The following CDH7 variants were observed in gnomAD, a reference collection of about 807,000 sequenced individuals.
The protein encoded by CDH7 is cadherin-7.
A neutral mutation model predicts 71.8 loss-of-function variants in CDH7; 25 were observed. That is an observed-to-expected ratio of 0.35 (90% CI 0.25 to 0.49). CDH7 has a LOEUF of 0.49. Among genes scored for constraint, CDH7 ranks in the 20% least tolerant of loss-of-function variants. The pLI is 0.99. For synonymous variants in CDH7, 381 were observed against 363.8 expected (o/e 1.05, Z -0.54); for missense variants, 862 against 974.6 (o/e 0.88, Z 1.54).
chr18:65,781,784 T>TTTCTTTCTA lies in CDH7; in HGVS notation c.210+18733_210+18734insTCTTTCTAT, dbSNP rs1568181328. 1.2e-3 allele frequency among the ~76,000 whole-genome samples: 79 copies of TTTCTTTCTA among 64,094 alleles called. 11 individuals carry two copies. Among genetic ancestry groups the TTTCTTTCTA allele is most frequent in the East Asian group, 3.0e-3 (7 of 2,322 alleles). 42.0% of individuals were successfully genotyped at this position (64,094 alleles called of 152,430 possible). A position where few individuals can be genotyped will look rare whatever the true frequency, so the allele number is the denominator to read the frequency against. On this transcript the variant is annotated intron_variant, in intron 2 of 11. Coordinates refer to ENST00000397968, the MANE Select transcript of CDH7 (RefSeq NM_004361.5). ...TTTCTTTCTTTCCTTCCTTCCTTCC[T>TTTCTTTCTA]TCCTTCCTTCCTTCCTTCCTTCCTT...
chr18:65,804,323 A>C (rs1911234345), intron 2 of CDH7, among the ~76,000 whole-genome samples: 1 of 152,162 alleles, frequency 6.6e-6, no homozygotes, highest in Admixed American at 6.5e-5. Flanking sequence ...TTACAGGGCT[A>C]AGCTTTAGGT....
chr18:65,852,624 C>A (rs1913190497), intron 7 of CDH7, among the ~76,000 whole-genome samples: 1 of 152,016 alleles, frequency 6.6e-6, no homozygotes, highest in Non-Finnish European at 1.5e-5. Flanking sequence ...TTCAATTAGA[C>A]TATAGGCTAA....
intron 2 of CDH7, chr18:65,803,267 C>A (rs1321447589): frequency 1.3e-5 from 2 of 152,048 alleles, no homozygotes; most frequent in East Asian, 3.9e-4. Flanking sequence ...TGGACCGTGA[C>A]CCCCTAGAAT....
chr18:65,825,302 A>C (rs1017310664), intron 6 of CDH7, among the ~76,000 whole-genome samples: 7 of 151,952 alleles, frequency 4.6e-5, no homozygotes, highest in African/African-American at 1.7e-4. Context: ...AATTTATAGT[A>C]ATTGGAAGAC....
chr18:65,805,843 T>C (rs1911297833), intron 2 of CDH7, among the ~76,000 whole-genome samples: 1 of 152,202 alleles, frequency 6.6e-6, no homozygotes, highest in Admixed American at 6.5e-5. Flanking sequence ...AGGGGTGTGA[T>C]ATAATTTAAT....
intron 7 of CDH7, among the ~76,000 whole-genome samples, chr18:65,856,256 CACAA>C (rs1913351057): frequency 6.6e-6 from 1 of 152,062 alleles, no homozygotes; most frequent in African/African-American, 2.4e-5. Context: ...AAATTCCTGA[CACAA>C]ACAAAATAAG....
At chr18:65,809,614 C>A (rs1911449491) in intron 2 of CDH7, 90 bp from the exon 3 acceptor site, 1 of 1,090,738 alleles carries the variant, frequency 9.2e-7, no homozygotes, top group African/African-American at 1.6e-5. Flanking sequence ...ATTTCATGTA[C>A]TCCTGCCTGA....
chr18:65,782,969 C>A (rs1449734436), intron 2 of CDH7, among the ~76,000 whole-genome samples: 3 of 151,996 alleles, frequency 2.0e-5, no homozygotes, highest in Non-Finnish European at 4.4e-5. Flanking sequence ...AAACAGACTG[C>A]AAAAAGGATA....
chr18:65,821,611 G>A (rs748665129), intron 4 of CDH7, among the ~76,000 whole-genome samples: 1 of 152,104 alleles, frequency 6.6e-6, no homozygotes, highest in Non-Finnish European at 1.5e-5. Flanking sequence ...GTGTTTGAGA[G>A]CTAGTGTGCT....
chr18:65,858,606 A>T (rs1913448171), intron 8 of CDH7, among the ~76,000 whole-genome samples: 1 of 152,072 alleles, frequency 6.6e-6, no homozygotes, highest in African/African-American at 2.4e-5. Context: ...ATAAATATAC[A>T]TTTATATATA....
At chr18:65,767,424 G>T (rs1353344991) in intron 2 of CDH7, among the ~76,000 whole-genome samples, 3 of 152,052 alleles carry the variant, frequency 2.0e-5, no homozygotes, top group Non-Finnish European at 4.4e-5. Context: ...TTTTATGTTA[G>T]ATACAGAAAA....
upstream of CDH7, chr18:65,750,255 G>A (rs1442586898): frequency 6.7e-6 from 1 of 149,602 alleles, no homozygotes; most frequent in Non-Finnish European, 1.5e-5. Flanking sequence ...AGTAGAACTA[G>A]GGCAGTCCGA....
intron 10 of CDH7, 87 bp downstream of exon 10, chr18:65,859,912 AT>A (rs566220230): frequency 4.3e-4 from 336 of 783,980 alleles, no homozygotes; most frequent in Non-Finnish European, 6.3e-4. Context: ...CTGATTATGG[AT>A]TTTTTTTAAA....
chr18:65,762,915 A>C lies in CDH7; in HGVS notation c.73A>C (p.Ser25Arg). ...TCTTTTCCTGTGTTTTTCTGGGATG[A>C]GTCAAGCAGAACTCTCAAGGTCCAG... ...IALFLCFSGM[S>R]QAELSRSRSK... Residue 25 changes from serine (S) to arginine (R), a missense_variant, in exon 2 of 12, where the codon AGT becomes CGT. Coordinates refer to ENST00000397968, the MANE Select transcript of CDH7 (RefSeq NM_004361.5). 1 of 1,613,584 alleles carries C rather than the reference A, an allele frequency of 6.2e-7. No individual in the cohort carries two copies. The highest frequency in any genetic ancestry group is 8.5e-7 in the Non-Finnish European group (1 of 1,179,794).
intron 2 of CDH7, among the ~76,000 whole-genome samples, chr18:65,763,724 G>C (rs913238515): frequency 6.6e-6 from 1 of 151,744 alleles, no homozygotes; most frequent in Non-Finnish European, 1.5e-5. Context: ...GGCAGTTCAT[G>C]GTGCATTTAT....
At chr18:65,750,331 C>T (rs572579506), upstream of CDH7, 3 of 152,072 alleles carry the variant, frequency 2.0e-5, no homozygotes, top group South Asian at 4.1e-4. Flanking sequence ...TATGACTTTG[C>T]CTTCATGCCT....
rs1441917166 is a variant in CDH7, at chr18:65,883,726, A to G, written c.*2832A>G. ...AACAAGTTGTTAAACATTTACCAGC[A>G]CTCTACTGCTTAAATTATTTTATAA... is the stretch of plus-strand genomic sequence containing the variant. On this transcript the variant is annotated 3_prime_UTR_variant, in exon 12 of 12. Transcript: ENST00000397968. 6.6e-6 allele frequency: 1 copy of G among 152,012 alleles called. No individual in the cohort carries two copies. Among genetic ancestry groups the G allele is most frequent in the Non-Finnish European group, 1.5e-5 (1 of 67,948 alleles). 9.4% of individuals were successfully genotyped at this position (152,012 alleles called of 1,614,324 possible). A position where few individuals can be genotyped will look rare whatever the true frequency, so the allele number is the denominator to read the frequency against.
At chr18:65,764,449 C>T (rs1356782721) in intron 2 of CDH7, among the ~76,000 whole-genome samples, 1 of 151,848 alleles carries the variant, frequency 6.6e-6, no homozygotes, top group Non-Finnish European at 1.5e-5. Flanking sequence ...GCCATTCTAC[C>T]AGTAACACCG....
chr18:65,857,953 G>C lies in CDH7; in HGVS notation c.1372+1G>C. The C allele has an allele frequency of 6.2e-7, 1 of 1,612,450 alleles. No individual in the cohort carries two copies. The highest frequency in any genetic ancestry group is 8.5e-7 in the Non-Finnish European group (1 of 1,179,012). On this transcript the variant is annotated splice_donor_variant, in intron 8 of 11. Coordinates refer to ENST00000397968, the MANE Select transcript of CDH7 (RefSeq NM_004361.5). LOFTEE classifies it high-confidence loss of function. Reference sequence around the variant, plus strand: ...ATCACAGTCCTTGCAATGGAGAGCCGTAAGTTGTGAGGCTTAAAACTAAAT... The same window carrying C: ...ATCACAGTCCTTGCAATGGAGAGCCCTAAGTTGTGAGGCTTAAAACTAAAT...
Sources: allele counts gnomAD v4.1 joint callset (sites outside exome capture counted in the v4.1 genomes callset), GRCh38; gene constraint gnomAD v4.1.1; transcripts MANE v1.5; gene names NCBI Gene and HGNC (gene_info 2026-07-23, HGNC 2026-07-21).